The following CDKAL1 variants were observed in gnomAD, a reference collection of about 807,000 sequenced individuals.
CDKAL1 encodes the protein CDKAL1 threonylcarbamoyladenosine tRNA methylthiotransferase.
A neutral mutation model predicts 68.2 loss-of-function variants in CDKAL1; 32 were observed. The observed-to-expected ratio is 0.47, with a 90% CI of 0.35 to 0.63. The LOEUF (loss-of-function observed/expected upper bound fraction) is 0.63, where lower values mean the gene tolerates loss of function less well. Among genes scored for constraint, CDKAL1 ranks in the 30% least tolerant of loss-of-function variants. The probability of loss-of-function intolerance (pLI) is 0.00; values close to 1 mark genes in which losing one functional copy is unlikely to be tolerated. For missense variants in CDKAL1, 606 were observed against 696.7 expected, an observed-to-expected ratio of 0.87 and a Z score of 1.47; for synonymous variants, 234 against 244.3, an observed-to-expected ratio of 0.96 and a Z score of 0.39.
intron 9 of CDKAL1, among the ~76,000 whole-genome samples, chr6:20,917,587 A>G (rs1762775438): frequency 6.6e-6 from 1 of 151,960 alleles, no homozygotes; most frequent in Non-Finnish European, 1.5e-5. Flanking sequence ...TTTAGTGGTG[A>G]TTTCTGAGAT....
intron 5 of CDKAL1, among the ~76,000 whole-genome samples, chr6:20,696,839 G>C (rs1174621637): frequency 1.3e-5 from 2 of 152,136 alleles, no homozygotes; most frequent in Non-Finnish European, 2.9e-5. Context: ...AGGACTTGAT[G>C]CAAACAGTAT....
intron 11 of CDKAL1, among the ~76,000 whole-genome samples, chr6:21,056,575 C>T (rs1440731593): frequency 3.3e-5 from 5 of 152,154 alleles, no homozygotes; most frequent in Admixed American, 2.0e-4. Flanking sequence ...ACAGGAGTAG[C>T]GAGAGAGGGC....
In CDKAL1 at chr6:21,147,870, A is replaced by G. The variant is rs188969553; in HGVS notation, c.1299+39407A>G. Among the ~76,000 whole-genome samples, 48 of 152,324 alleles carry G rather than the reference A, an allele frequency of 3.2e-4. 1 individual carries two copies. Among genetic ancestry groups the G allele is most frequent in the Admixed American group, 8.5e-4 (13 of 15,298 alleles). On this transcript the variant is annotated intron_variant, in intron 13 of 15. Transcript: ENST00000274695. ...AATGTTATGATCATATTGCTAGTAC[A>G]GCTTAATGCTTACTTTTTAACTAAT... is the stretch of plus-strand genomic sequence containing the variant.
At chr6:21,052,563 G>T (rs1770601663) in intron 11 of CDKAL1, among the ~76,000 whole-genome samples, 1 of 130,388 alleles carries the variant, frequency 7.7e-6, no homozygotes, top group Non-Finnish European at 1.6e-5. Context: ...TGTAAAGACA[G>T]GGTCTTGCTT....
chr6:21,103,494 A>G (rs905040318), intron 12 of CDKAL1, among the ~76,000 whole-genome samples: 5 of 152,092 alleles, frequency 3.3e-5, no homozygotes, highest in Non-Finnish European at 5.9e-5. Context: ...TATAAAAGCA[A>G]TTTATGAAGT....
intron 14 of CDKAL1, among the ~76,000 whole-genome samples, chr6:21,198,422 G>A (rs1002446979): frequency 8.5e-5 from 13 of 152,194 alleles, no homozygotes; most frequent in African/African-American, 3.1e-4. Context: ...AGGGGGGAAA[G>A]TCCTGCTCAG....
At chr6:20,993,394 C>CATGT (rs1766943024) in intron 10 of CDKAL1, 1 of 151,918 alleles carries the variant, frequency 6.6e-6, no homozygotes, top group Non-Finnish European at 1.5e-5. Context: ...TTTGAACATG[C>CATGT]ATGTACTTCA....
chr6:20,965,167 C>G (rs929013048), intron 10 of CDKAL1, among the ~76,000 whole-genome samples: 1 of 152,040 alleles, frequency 6.6e-6, no homozygotes, highest in Non-Finnish European at 1.5e-5. Flanking sequence ...TTACAATTAG[C>G]TTGGTATGGT....
intron 5 of CDKAL1, among the ~76,000 whole-genome samples, chr6:20,705,813 A>G (rs1005531222): frequency 2.6e-5 from 4 of 152,134 alleles, no homozygotes. Context: ...TCCTTGGTGT[A>G]TATATATCAG....
chr6:21,054,856 G>A, intron 11 of CDKAL1, among the ~76,000 whole-genome samples: 1 of 151,240 alleles, frequency 6.6e-6, no homozygotes, highest in Non-Finnish European at 1.5e-5. Context: ...AGTAGGCTCA[G>A]TAGATTCTTT....
At chr6:20,844,510 A>G (rs17234378) in intron 8 of CDKAL1, among the ~76,000 whole-genome samples, 12,246 of 151,960 alleles carry the variant, frequency 0.081, 634 homozygotes, top group Non-Finnish European at 0.11. Context: ...CTGTAAGATC[A>G]AGATAGGGAA....
chr6:21,000,149 G>A (rs767988644), intron 10 of CDKAL1, 78 bp from the exon 11 acceptor site: 14 of 1,100,008 alleles, frequency 1.3e-5, no homozygotes, highest in African/African-American at 6.2e-5. Flanking sequence ...ATTTGCTTGC[G>A]CTTGTGGTGT....
chr6:21,155,437 G>A (rs1470123795), intron 13 of CDKAL1, among the ~76,000 whole-genome samples: 3 of 152,122 alleles, frequency 2.0e-5, no homozygotes, highest in Non-Finnish European at 4.4e-5. Flanking sequence ...AGGAGAAGGG[G>A]CATAGCCGTG....
At chr6:21,079,759 G>T (rs1772275283) in intron 12 of CDKAL1, among the ~76,000 whole-genome samples, 1 of 152,028 alleles carries the variant, frequency 6.6e-6, no homozygotes, top group African/African-American at 2.4e-5. Context: ...TTACTTCCTG[G>T]ACCAGGCCCA....
intron 13 of CDKAL1, among the ~76,000 whole-genome samples, chr6:21,125,473 G>C (rs1447666260): frequency 6.6e-6 from 1 of 152,106 alleles, no homozygotes; most frequent in Non-Finnish European, 1.5e-5. Context: ...GGGAGTTCGA[G>C]ACCAGCCTGA....
intron 9 of CDKAL1, among the ~76,000 whole-genome samples, chr6:20,858,319 A>G (rs1233423965): frequency 2.1e-5 from 3 of 146,236 alleles, no homozygotes; most frequent in Non-Finnish European, 4.6e-5. Context: ...TTTATTCTGT[A>G]TTGACTTTTT....
chr6:20,793,461 G>T (rs1775983951), intron 8 of CDKAL1, among the ~76,000 whole-genome samples: 1 of 152,082 alleles, frequency 6.6e-6, no homozygotes. Flanking sequence ...AAATTTTCCT[G>T]TTGTTTCCAT....
At chr6:20,620,369 GT>G (rs1767124784) in intron 4 of CDKAL1, among the ~76,000 whole-genome samples, 1 of 152,116 alleles carries the variant, frequency 6.6e-6, no homozygotes, top group Non-Finnish European at 1.5e-5. Context: ...GAATTTAAAT[GT>G]TTGTGCCATT....
chr6:21,138,017 C>T (rs1046842146), intron 13 of CDKAL1, among the ~76,000 whole-genome samples: 5 of 152,178 alleles, frequency 3.3e-5, no homozygotes, highest in Non-Finnish European at 4.4e-5. Context: ...TATTCATTTT[C>T]CCCCTTTTCC....
Sources: gnomAD v4.1 joint callset for allele counts (sites outside exome capture counted in the v4.1 genomes callset) on GRCh38, gnomAD v4.1.1 for gene constraint, MANE v1.5 for transcripts, NCBI Gene and HGNC (gene_info 2026-07-23, HGNC 2026-07-21) for gene names.